The following RNPC3 variants were observed in gnomAD, a reference collection of about 807,000 sequenced individuals.
RNPC3 encodes RNA binding region (RNP1, RRM) containing 3.
RNPC3 carries 48 observed loss-of-function variants against 67.5 expected under a neutral mutation model. The observed-to-expected ratio is 0.71, with a 90% CI of 0.56 to 0.90. RNPC3 has a LOEUF of 0.90. RNPC3 is among the 40% of genes least tolerant of loss of function. RNPC3 has a pLI of 0.00. For synonymous variants in RNPC3, 239 were observed against 210.3 expected (o/e 1.14, Z -1.18); for missense variants, 637 against 626.1 (o/e 1.02, Z -0.19).
chr1:103,539,491 ATTAC>A (rs1651069013), intron 7 of RNPC3, among the ~76,000 whole-genome samples: 1 of 152,242 alleles, frequency 6.6e-6, no homozygotes, highest in Non-Finnish European at 1.5e-5. Context: ...CTGCGGACTA[ATTAC>A]TTAACCTCTG....
At chr1:103,546,154 CT>C in intron 10 of RNPC3, 93 bp from the exon 11 acceptor site, 1 of 505,450 alleles carries the variant, frequency 2.0e-6, no homozygotes, top group Non-Finnish European at 3.2e-6. Context: ...CTTATTTTGT[CT>C]ATTTAACAAT....
chr1:103,540,443 T>C (rs1357689607), intron 7 of RNPC3, among the ~76,000 whole-genome samples: 1 of 152,232 alleles, frequency 6.6e-6, no homozygotes, highest in Non-Finnish European at 1.5e-5. Flanking sequence ...AATATATGCC[T>C]AGCACTCTTG....
intron 2 of RNPC3, among the ~76,000 whole-genome samples, chr1:103,528,397 A>C (rs1334663489): frequency 6.6e-6 from 1 of 152,224 alleles, no homozygotes. Flanking sequence ...TAGGAGACCA[A>C]ATGGAAGGCT....
chr1:103,544,848 A>T (rs1651206147), intron 9 of RNPC3, 93 bp from the exon 10 acceptor site: 2 of 679,700 alleles, frequency 2.9e-6, no homozygotes, highest in Non-Finnish European at 4.6e-6. Context: ...GTGCCAGAAG[A>T]TATATTATTG....
chr1:103,538,690 G>T (rs1234234507), intron 7 of RNPC3, among the ~76,000 whole-genome samples: 1 of 152,068 alleles, frequency 6.6e-6, no homozygotes, highest in African/African-American at 2.4e-5. Flanking sequence ...AACATACATC[G>T]ACCATGTTCA....
rs754815638 is a variant in RNPC3, at chr1:103,533,851, A to G, written c.353A>G (p.Lys118Arg). ...TGTCCCACTTCAGGCTCTGAAAAAA[A>G]AAAAAGGTATGTAGATCAGTAAATC... ...SPCPTSGSEK[K>R]KRSDDPVEDD... The change falls in exon 3 of 15, where the codon AAA becomes AGA. Residue 118 changes from lysine (K) to arginine (R), a missense_variant. This residue lies in a region of RNPC3 where 536 missense variants were observed against 500.3 expected (regional missense o/e 1.07). Coordinates refer to ENST00000423855, the MANE Select transcript of RNPC3 (RefSeq NM_017619.4). 7.1e-5 allele frequency: 103 copies of G among 1,446,950 alleles called. 1 individual carries two copies. Among genetic ancestry groups the G allele is most frequent in the Non-Finnish European group, 8.9e-5 (95 of 1,070,716 alleles). The allele number at this position is 1,446,950 out of a possible 1,614,324, so 89.6% of individuals were successfully genotyped here. A position where few individuals can be genotyped will look rare whatever the true frequency, so the allele number is the denominator to read the frequency against.
At chr1:103,526,457 G>A (rs1275472970) in intron 1 of RNPC3, among the ~76,000 whole-genome samples, 195 bp downstream of exon 1, 1 of 152,172 alleles carries the variant, frequency 6.6e-6, no homozygotes, top group Admixed American at 6.5e-5. Context: ...GTCTGGATTA[G>A]TCATAGCACT....
chr1:103,546,031 ATTGTTACTAATT>A, intron 10 of RNPC3: 1 of 242,054 alleles, frequency 4.1e-6, no homozygotes, highest in South Asian at 1.1e-4. Flanking sequence ...CATTTGTAAT[ATTGTTACTAATT>A]TTGTTACTAA....
At chr1:103,536,065 A>G in intron 5 of RNPC3, 61 bp from the exon 6 acceptor site, 1 of 1,275,602 alleles carries the variant, frequency 7.8e-7, no homozygotes, top group Non-Finnish European at 1.1e-6. Flanking sequence ...CTTAGTACAT[A>G]AAATACAAGA....
At chr1:103,546,126 T>C in intron 10 of RNPC3, 122 bp from the exon 11 acceptor site, 1 of 439,946 alleles carries the variant, frequency 2.3e-6, no homozygotes, top group Non-Finnish European at 3.9e-6. Flanking sequence ...AAGTGAAAAT[T>C]TTAACATTTT....
chr1:103,546,308 A>G lies in RNPC3; in HGVS notation c.1268A>G (p.Tyr423Cys). 2 of 1,474,096 alleles carry G rather than the reference A, an allele frequency of 1.4e-6. No individual in the cohort carries two copies. The highest frequency in any genetic ancestry group is 1.4e-5 in the South Asian group (1 of 73,078). 91.3% of individuals were successfully genotyped at this position (1,474,096 alleles called of 1,614,324 possible). ...YEPGEPNCRI[Y>C]VKNLAKHVQE... is the part of the protein sequence containing the mutation. The stretch of plus-strand genomic sequence containing the variant: ...CCGGGTGAACCAAACTGTAGAATTT[A>G]TGTAAAGAATTTAGCTAAACATGTT... The change falls in exon 11 of 15, where the codon TAT becomes TGT. Residue 423 changes from tyrosine to cysteine, a missense_variant. This residue lies in a region of RNPC3 where 5 missense variants were observed against 20.1 expected (regional missense o/e 0.25). Transcript: ENST00000423855.
intron 1 of RNPC3, among the ~76,000 whole-genome samples, chr1:103,526,810 A>C (rs1650724043): frequency 6.6e-6 from 1 of 152,250 alleles, no homozygotes; most frequent in South Asian, 2.1e-4. Context: ...GTACCTGTGT[A>C]GGAATTTACA....
At chr1:103,538,364 A>C (rs918291783) in intron 7 of RNPC3, among the ~76,000 whole-genome samples, 1 of 152,144 alleles carries the variant, frequency 6.6e-6, no homozygotes, top group Non-Finnish European at 1.5e-5. Context: ...CTTGTGTTTA[A>C]AATGGCCCTT....
chr1:103,543,977 A>T (rs938747126), intron 9 of RNPC3, among the ~76,000 whole-genome samples: 6 of 151,778 alleles, frequency 4.0e-5, no homozygotes, highest in African/African-American at 1.4e-4. Context: ...CATGAACTTG[A>T]TGATATAATG....
intron 3 of RNPC3, 124 bp from the exon 4 acceptor site, chr1:103,534,649 GT>G (rs36141069): frequency 0.27 from 136,206 of 504,326 alleles, 2,415 homozygotes; most frequent in South Asian, 0.31. Flanking sequence ...ATACTTGAAA[GT>G]TTTTTTTTTT....
chr1:103,536,048 A>T, intron 5 of RNPC3, 78 bp from the exon 6 acceptor site: 1 of 1,083,278 alleles, frequency 9.2e-7, no homozygotes, highest in Non-Finnish European at 1.4e-6. Flanking sequence ...GTGTTATAGC[A>T]AAGTTTCTTA....
rs1651011002 is a variant in RNPC3 at position 103,537,355 on chromosome 1, T to C, written c.638T>C (p.Met213Thr). The C allele has an allele frequency of 2.6e-6, 4 of 1,534,758 alleles. No homozygotes were observed. The highest frequency in any genetic ancestry group is 2.6e-6 in the Non-Finnish European group (3 of 1,146,098). ...TCTTTTAATTAGTATGAAGACTATA[T>C]GCCATTGCATGCACCTCTTCCACCC... is the stretch of plus-strand genomic sequence containing the variant. ...TARPPMYEDYMPLHAPLPPTS... is the reference protein window; with the variant it reads ...TARPPMYEDYTPLHAPLPPTS... The change falls in exon 7 of 15, where the codon ATG becomes ACG. Residue 213 changes from methionine (M) to threonine (T), a missense_variant. Met to Thr is a moderately conservative substitution (Grantham distance 81). Around this residue, in one of 3 missense-constraint regions of RNPC3, gnomAD observed 536 missense variants for 500.3 expected, o/e 1.07. Transcript: ENST00000423855.
In RNPC3 at chr1:103,531,091, C is replaced by A. The variant is rs150991722; in HGVS notation, c.241-2648C>A. ...GCTCCTACTTAGGAGTGAGAACATA[C>A]GATGTTTGGTTTTTGATTCCTGAGT... On this transcript the variant is annotated intron_variant, in intron 2 of 14. Coordinates refer to ENST00000423855, the MANE Select transcript of RNPC3 (RefSeq NM_017619.4). Among the ~76,000 whole-genome samples the A allele has an allele frequency of 5.3e-5, 8 of 152,236 alleles. No individual in the cohort carries two copies. In the South Asian group the frequency reaches 6.2e-4, roughly 12 times the overall value.
chr1:103,544,853 T>C, intron 9 of RNPC3, 88 bp from the exon 10 acceptor site: 1 of 714,838 alleles, frequency 1.4e-6, no homozygotes, highest in South Asian at 2.4e-5. Context: ...AGAAGATATA[T>C]TATTGAATAT....
Sources: allele counts gnomAD v4.1 joint callset (sites outside exome capture counted in the v4.1 genomes callset), GRCh38; gene constraint gnomAD v4.1.1; regional missense constraint gnomAD v4.1.1; transcripts MANE v1.5; gene names NCBI Gene and HGNC (gene_info 2026-07-23, HGNC 2026-07-21).